Variants in UIMC1 observed in about 807,000 individuals in gnomAD.
The protein encoded by UIMC1 is ubiquitin interaction motif containing 1, also known as BRCA1-A complex subunit RAP80.
Under a neutral mutation model 84.9 loss-of-function variants are expected in UIMC1, and 42 were observed. The ratio of observed to expected loss-of-function variants is 0.49; its 90% CI spans 0.39 to 0.64. The LOEUF is 0.64. Ranked by LOEUF, UIMC1 falls within the 30% of genes least tolerant of loss-of-function variation. UIMC1 has a pLI of 0.00. For synonymous variants in UIMC1, 281 were observed against 293.0 expected (o/e 0.96, Z 0.42); for missense variants, 825 against 847.6 (o/e 0.97, Z 0.33).
chr5:176,949,079 GT>G (rs938444483), intron 9 of UIMC1, among the ~76,000 whole-genome samples: 1 of 151,154 alleles, frequency 6.6e-6, no homozygotes, highest in African/African-American at 2.4e-5. Flanking sequence ...TAAAACTCCA[GT>G]TTTCCCCTTT....
At chr5:177,008,468 G>A (rs1006047996), upstream of UIMC1, among the ~76,000 whole-genome samples, 2 of 152,158 alleles carry the variant, frequency 1.3e-5, no homozygotes, top group Non-Finnish European at 2.9e-5. Flanking sequence ...CTCACAAGTA[G>A]CAATGGGCCT....
intron 6 of UIMC1, among the ~76,000 whole-genome samples, chr5:176,962,455 GC>G (rs1767632031): frequency 1.4e-5 from 1 of 69,434 alleles, no homozygotes; most frequent in East Asian, 3.8e-4. Flanking sequence ...CTGGCCAGCC[GC>G]CCCGTCCGGG....
Position 176,907,197 on chromosome 5 carries a change from A to G in UIMC1, c.1849-20T>C, listed in dbSNP as rs564558226. On this transcript the variant is annotated intron_variant, in intron 12 of 14. Coordinates refer to ENST00000511320, the MANE Select transcript of UIMC1 (RefSeq NM_001199298.2). Reference sequence around the variant, plus strand: ...TTTTTCCTGTAACAGAGAAAAACAGATGAAAAGGTTACTTCATGTCAGAGT... The same window carrying G: ...TTTTTCCTGTAACAGAGAAAAACAGGTGAAAAGGTTACTTCATGTCAGAGT... 1 of 1,606,834 alleles carries G rather than the reference A, an allele frequency of 6.2e-7. No individual in the cohort carries two copies. The highest frequency in any genetic ancestry group is 1.1e-5 in the South Asian group (1 of 90,130).
At chr5:176,967,181 A>G (rs1049793902) in intron 6 of UIMC1, among the ~76,000 whole-genome samples, 1 of 152,206 alleles carries the variant, frequency 6.6e-6, no homozygotes, top group African/African-American at 2.4e-5. Context: ...AGCTACAGAA[A>G]ATTATCATAT....
At chr5:177,020,499 C>T (rs1461367263) in intron 1 of UIMC1, among the ~76,000 whole-genome samples, 2 of 152,206 alleles carry the variant, frequency 1.3e-5, no homozygotes, top group African/African-American at 4.8e-5. Context: ...GGCACGATCT[C>T]GGCTCACTGC....
intron 11 of UIMC1, among the ~76,000 whole-genome samples, 151 bp downstream of exon 11, chr5:176,911,151 AAAAGAAAAG>A (rs1760134622): frequency 1.4e-5 from 1 of 73,586 alleles, no homozygotes; most frequent in African/African-American, 5.1e-5. Context: ...AAAAGAAAAG[AAAAGAAAAG>A]AAAAGAAAAG....
At chr5:176,944,416 A>G (rs1764832814) in intron 9 of UIMC1, among the ~76,000 whole-genome samples, 2 of 152,244 alleles carry the variant, frequency 1.3e-5, no homozygotes, top group Non-Finnish European at 2.9e-5. Flanking sequence ...ATCAGAGCCA[A>G]GAACTCTGCA....
chr5:176,969,954 A>G (rs1768948195), intron 4 of UIMC1: 2 of 389,716 alleles, frequency 5.1e-6, no homozygotes, highest in South Asian at 7.5e-5. Flanking sequence ...AGGACCTGCC[A>G]CTGGCAAGTA....
At chr5:176,910,770 T>C (rs139330823) in intron 11 of UIMC1, among the ~76,000 whole-genome samples, 122 of 152,214 alleles carry the variant, frequency 8.0e-4, no homozygotes, top group African/African-American at 2.8e-3. Flanking sequence ...AGAGGCCACC[T>C]ACACTGACAG....
At chr5:176,953,530 A>ACACACACACACACC (rs1486168664) in intron 8 of UIMC1, among the ~76,000 whole-genome samples, 2 of 151,088 alleles carry the variant, frequency 1.3e-5, no homozygotes, top group African/African-American at 2.4e-5. Flanking sequence ...ACACACACAC[A>ACACACACACACACC]CCTTATTGGA....
In UIMC1 at chr5:176,943,414, C is replaced by A; in HGVS notation, c.1518G>T (p.Pro506=). The A allele has an allele frequency of 1.9e-6, 3 of 1,614,162 alleles. No homozygotes were observed. In the South Asian group the frequency reaches 3.3e-5, roughly 18 times the overall value. Residue 506 remains proline (P), a synonymous_variant, in exon 10 of 15, where the codon CCG becomes CCT. Coordinates refer to ENST00000511320, the MANE Select transcript of UIMC1 (RefSeq NM_001199298.2). ...TFSSSNQVSC[P]LCDQCFPPTK... ...TGGGTGGAAAGCATTGGTCACATAG[C>A]GGGCAGGATACCTGGTTACTGGATG...
At chr5:176,932,518 CAGAT>C (rs1408456710) in intron 10 of UIMC1, among the ~76,000 whole-genome samples, 7 of 150,134 alleles carry the variant, frequency 4.7e-5, no homozygotes, top group African/African-American at 7.3e-5. Flanking sequence ...GATAGATAGA[CAGAT>C]AGACAGACAG....
intron 10 of UIMC1, among the ~76,000 whole-genome samples, chr5:176,911,890 C>T (rs1760262582): frequency 1.3e-5 from 2 of 152,212 alleles, no homozygotes; most frequent in African/African-American, 4.8e-5. Context: ...TTCCTCACTA[C>T]ACTAATACCA....
Position 176,908,509 on chromosome 5 carries a change from C to CACT in UIMC1, c.1848+11_1848+13dup. ...GAGGGTTAGGTGGCCTTTCCCAAAA[C>CACT]ACTCTACACATACCTTTGGGTTCTT... On this transcript the variant is annotated intron_variant, in intron 12 of 14. Coordinates refer to ENST00000511320, the MANE Select transcript of UIMC1 (RefSeq NM_001199298.2). 1 of 1,608,378 alleles carries CACT rather than the reference C, an allele frequency of 6.2e-7. No homozygotes were observed.
chr5:176,955,913 G>A, intron 8 of UIMC1, 46 bp downstream of exon 8: 1 of 1,580,916 alleles, frequency 6.3e-7, no homozygotes, highest in South Asian at 1.1e-5. Context: ...GCATGAAAAG[G>A]TAAATAGGTA....
In UIMC1 at chr5:176,950,004, G is replaced by A. The variant is rs191487539; in HGVS notation, c.1443+1470C>T. On this transcript the variant is annotated intron_variant, in intron 9 of 14. Coordinates refer to ENST00000511320, the MANE Select transcript of UIMC1 (RefSeq NM_001199298.2). ...CGGGAGGTGGAGATTGCAGTGAGCC[G>A]AGATCGCACCACTGCACTCCAGCCT... 1.5e-4 allele frequency among the ~76,000 whole-genome samples: 23 copies of A among 151,406 alleles called. 1 individual carries two copies. The East Asian group carries it at 4.3e-3, about 29-fold the overall frequency.
At chr5:176,967,271 CATGGT>C (rs1768447143) in intron 6 of UIMC1, among the ~76,000 whole-genome samples, 1 of 149,696 alleles carries the variant, frequency 6.7e-6, no homozygotes, top group East Asian at 2.0e-4. Context: ...CTAATCCACA[CATGGT>C]ATTTTTCACA....
intron 8 of UIMC1, among the ~76,000 whole-genome samples, chr5:176,952,182 T>C (rs1765972086): frequency 6.6e-6 from 1 of 152,234 alleles, no homozygotes; most frequent in Non-Finnish European, 1.5e-5. Context: ...GTAATTCTAG[T>C]TTTAAAGTAT....
chr5:176,988,124 CCT>C (rs1444282363), intron 1 of UIMC1, among the ~76,000 whole-genome samples: 3 of 130,152 alleles, frequency 2.3e-5, no homozygotes, highest in African/African-American at 6.4e-5. Flanking sequence ...AGACTACGCC[CCT>C]GTCCAAAAAA....
Sources: gnomAD v4.1 joint callset for allele counts (sites outside exome capture counted in the v4.1 genomes callset) on GRCh38, gnomAD v4.1.1 for gene constraint, MANE v1.5 for transcripts, NCBI Gene and HGNC (gene_info 2026-07-23, HGNC 2026-07-21) for gene names.